The following TTC17 variants were observed in gnomAD, a reference collection of about 807,000 sequenced individuals.
TTC17 encodes the protein tetratricopeptide repeat domain 17.
In TTC17, 58 loss-of-function variants were observed where a neutral mutation model predicts 143.8. The observed-to-expected ratio is 0.40, with a 90% CI of 0.33 to 0.50. TTC17 has a LOEUF of 0.50. Among genes scored for constraint, TTC17 ranks in the 20% least tolerant of loss-of-function variants. The pLI is 0.49. For missense variants in TTC17, 1,273 were observed against 1,392.5 expected (o/e 0.91, Z 1.37); for synonymous variants, 501 against 497.8 (o/e 1.01, Z -0.09).
intron 2 of TTC17, among the ~76,000 whole-genome samples, chr11:43,381,684 C>T (rs1170355155): frequency 1.3e-5 from 2 of 152,020 alleles, no homozygotes; most frequent in Admixed American, 1.3e-4. Context: ...GATAGGAACT[C>T]GAAACCAAAA....
chr11:43,424,301 C>T (rs1946974309), intron 16 of TTC17, among the ~76,000 whole-genome samples: 1 of 150,736 alleles, frequency 6.6e-6, no homozygotes, highest in South Asian at 2.2e-4. Context: ...GCCATGATGG[C>T]CAGACTGGTC....
Position 43,359,018 on chromosome 11 carries a change from C to T in TTC17, c.64C>T (p.Leu22Phe). 1 of 1,590,670 alleles carries T rather than the reference C, an allele frequency of 6.3e-7. No homozygotes were observed. The highest frequency in any genetic ancestry group is 8.5e-7 in the Non-Finnish European group (1 of 1,169,730). The change falls in exon 1 of 24, where the codon CTC becomes TTC. Residue 22 changes from leucine to phenylalanine, a missense_variant. Leu to Phe is a conservative substitution (Grantham distance 22). This residue lies in a region of TTC17 where 70 missense variants were observed against 48.5 expected (regional missense o/e 1.44). Transcript: ENST00000039989. ...GCCGCCTTGCTCCGGCCCAGGCTGG[C>T]TCCTCAGCCTTTCCGCCTTGCTGAG... ...ELPPCSGPGW[L>F]LSLSALLSVA...
chr11:43,488,024 G>T (rs992967110), intron 21 of TTC17, among the ~76,000 whole-genome samples: 1 of 152,190 alleles, frequency 6.6e-6, no homozygotes, highest in South Asian at 2.1e-4. Flanking sequence ...AGGTACAGGG[G>T]ATTGGGACTT....
At position 43,490,329 on chromosome 11, in the gene TTC17, G is replaced by A; in HGVS notation, c.3121G>A (p.Ala1041Thr). 1 of 1,611,708 alleles carries A rather than the reference G, an allele frequency of 6.2e-7. No individual in the cohort carries two copies. The highest frequency in any genetic ancestry group is 8.5e-7 in the Non-Finnish European group (1 of 1,178,610). Residue 1041 changes from alanine (A) to threonine (T), a missense_variant, in exon 22 of 24, where the codon GCT becomes ACT. Physicochemically the swap from Ala to Thr is moderately conservative, Grantham distance 58 (BLOSUM62 0). This residue lies in a region of TTC17 where 878 missense variants were observed against 899.8 expected (regional missense o/e 0.98). Coordinates refer to ENST00000039989, the MANE Select transcript of TTC17 (RefSeq NM_018259.6). ...GKKAIDCLRQ[A>T]LHYAPHQMKD... is the part of the protein sequence containing the mutation. Reference sequence around the variant, plus strand: ...GAAGGCAATCGACTGCCTCCGCCAGGCTCTGCACTATGCGCCACACCAGAT... The same window carrying A: ...GAAGGCAATCGACTGCCTCCGCCAGACTCTGCACTATGCGCCACACCAGAT...
intron 14 of TTC17, 55 bp from the exon 15 acceptor site, chr11:43,407,298 A>G: frequency 6.3e-7 from 1 of 1,582,112 alleles, no homozygotes; most frequent in Non-Finnish European, 8.6e-7. Context: ...TAAAAATCTT[A>G]TTTAGAACAA....
chr11:43,386,577 T>A (rs1857177606), intron 2 of TTC17, among the ~76,000 whole-genome samples: 1 of 152,154 alleles, frequency 6.6e-6, no homozygotes, highest in Admixed American at 6.5e-5. Context: ...ATTTCTTAAA[T>A]AAAACAAAGT....
At chr11:43,422,175 G>A (rs1004362599) in intron 16 of TTC17, among the ~76,000 whole-genome samples, 10 of 152,152 alleles carry the variant, frequency 6.6e-5, no homozygotes, top group Non-Finnish European at 1.5e-4. Context: ...AAGGGATATG[G>A]GAAATGAAAG....
Position 43,492,121 on chromosome 11 carries a change from T to C in TTC17, c.3252T>C (p.Phe1084=), listed in dbSNP as rs142074557. 3.1e-6 allele frequency: 5 copies of C among 1,614,106 alleles called. No homozygotes were observed. The highest frequency in any genetic ancestry group is 4.2e-6 in the Non-Finnish European group (5 of 1,179,976). ...ATMAVEIAPH[F]AVNHFTLGNV... is the part of the protein sequence containing the mutation. ...TGGCAGTAGAGATCGCACCACACTT[T>C]GCTGTGAACCACTTCACTCTGGGCA... The change falls in exon 23 of 24, where the codon TTT becomes TTC. Residue 1084 remains phenylalanine (F), a synonymous_variant. Coordinates refer to ENST00000039989, the MANE Select transcript of TTC17 (RefSeq NM_018259.6).
intron 16 of TTC17, among the ~76,000 whole-genome samples, chr11:43,433,595 G>A (rs931366566): frequency 6.6e-6 from 1 of 152,084 alleles, no homozygotes; most frequent in Non-Finnish European, 1.5e-5. Flanking sequence ...TAGCTTCAGG[G>A]TCCCTTGTGC....
rs1250159796 is a variant in TTC17, at chr11:43,414,776, G to A, written c.2251G>A (p.Gly751Ser). 6.2e-7 allele frequency: 1 copy of A among 1,610,402 alleles called. No homozygotes were observed. Among genetic ancestry groups the A allele is most frequent in the Non-Finnish European group, 8.5e-7 (1 of 1,178,732 alleles). ...CAACATCACTTCTTCTGTTTGCAGTGGTAAGCAGCTTTCAAATGCTGACAA... is the reference window on the plus strand; with the variant it reads ...CAACATCACTTCTTCTGTTTGCAGTAGTAAGCAGCTTTCAAATGCTGACAA... ...LYNITSSVCS[G>S]TVVEESNGSD... The change falls in exon 16 of 24, where the codon GGT (glycine) becomes AGT (serine). Residue 751 changes from glycine to serine, a missense_variant and splice_region_variant. Physicochemically the swap from Gly to Ser is moderately conservative, Grantham distance 56 (BLOSUM62 0). This residue lies in a region of TTC17 where 878 missense variants were observed against 899.8 expected (regional missense o/e 0.98). Coordinates refer to ENST00000039989, the MANE Select transcript of TTC17 (RefSeq NM_018259.6).
chr11:43,401,309 A>G (rs765504742), intron 9 of TTC17, 137 bp from the exon 10 acceptor site: 4 of 566,368 alleles, frequency 7.1e-6, no homozygotes, highest in African/African-American at 3.8e-5. Context: ...ATATTTCTCT[A>G]TATAAGTACG....
At chr11:43,461,680 G>A (rs896419367) in intron 21 of TTC17, among the ~76,000 whole-genome samples, 1 of 152,096 alleles carries the variant, frequency 6.6e-6, no homozygotes, top group East Asian at 1.9e-4. Flanking sequence ...AATAGTAACT[G>A]TACAAAATAA....
chr11:43,360,751 G>A (rs971807739), intron 1 of TTC17, among the ~76,000 whole-genome samples: 2 of 150,332 alleles, frequency 1.3e-5, no homozygotes, highest in African/African-American at 4.9e-5. Flanking sequence ...TTTGCACTTT[G>A]GATACATATG....
In TTC17 at chr11:43,438,400, C is replaced by G. The variant is rs548944785; in HGVS notation, c.2252-4925C>G. The stretch of plus-strand genomic sequence containing the variant: ...TCTCAAAGTCCTGAGCTCAGGCAAT[C>G]CACCCACCTTGGCCTCCCAAATGCA... On this transcript the variant is annotated intron_variant, in intron 16 of 23. Transcript: ENST00000039989. Among the ~76,000 whole-genome samples the G allele has an allele frequency of 3.9e-5, 6 of 152,304 alleles. No individual in the cohort carries two copies. The East Asian group carries it at 1.2e-3, about 29-fold the overall frequency.
At chr11:43,442,040 C>T (rs1947434202) in intron 16 of TTC17, among the ~76,000 whole-genome samples, 1 of 152,146 alleles carries the variant, frequency 6.6e-6, no homozygotes. Flanking sequence ...GGTGGTATAG[C>T]CTACTGCACT....
chr11:43,464,282 A>AT, intron 21 of TTC17, among the ~76,000 whole-genome samples: 1 of 151,492 alleles, frequency 6.6e-6, no homozygotes, highest in African/African-American at 2.4e-5. Context: ...TCCATCTCAA[A>AT]AAAAAAAAAA....
At chr11:43,468,006 CAA>C (rs1458866214) in intron 21 of TTC17, 1 of 152,002 alleles carries the variant, frequency 6.6e-6, no homozygotes, top group Non-Finnish European at 1.5e-5. Context: ...TTCACAGACT[CAA>C]AGTGTGTGAT....
At chr11:43,456,023 A>G (rs1272539775) in intron 21 of TTC17, among the ~76,000 whole-genome samples, 1 of 152,218 alleles carries the variant, frequency 6.6e-6, no homozygotes, top group African/African-American at 2.4e-5. Context: ...TTCTAGGAAT[A>G]CTGAATTGAT....
chr11:43,458,833 C>T (rs980029710), intron 21 of TTC17, among the ~76,000 whole-genome samples: 1 of 152,114 alleles, frequency 6.6e-6, no homozygotes, highest in Non-Finnish European at 1.5e-5. Flanking sequence ...AGACCACATC[C>T]ACACAACTTC....
Sources: gnomAD v4.1 joint callset for allele counts (sites outside exome capture counted in the v4.1 genomes callset) on GRCh38, gnomAD v4.1.1 for gene constraint, gnomAD v4.1.1 regional missense constraint, MANE v1.5 for transcripts, NCBI Gene and HGNC (gene_info 2026-07-23, HGNC 2026-07-21) for gene names.